The following ZNF804B variants were observed in gnomAD, a reference collection of about 807,000 sequenced individuals.
The protein encoded by ZNF804B is zinc finger protein 804B.
A neutral mutation model predicts 101.4 loss-of-function variants in ZNF804B; 80 were observed. The observed-to-expected ratio is 0.79, with a 90% CI of 0.66 to 0.95. ZNF804B has a LOEUF of 0.95. ZNF804B is among the 40% of genes least tolerant of loss of function. The pLI, the probability that ZNF804B is intolerant of heterozygous loss-of-function variation, is 0.00. For missense variants in ZNF804B, 1,673 were observed against 1,561.9 expected (o/e 1.07, Z -1.20); for synonymous variants, 622 against 558.8 (o/e 1.11, Z -1.59).
chr7:89,076,921 A>G (rs2116306704), intron 1 of ZNF804B, among the ~76,000 whole-genome samples: 1 of 152,278 alleles, frequency 6.6e-6, no homozygotes, highest in Non-Finnish European at 1.5e-5. Context: ...CAATGGGGAG[A>G]AGAACACAGG....
At chr7:89,107,586 G>A (rs1042692285) in intron 1 of ZNF804B, among the ~76,000 whole-genome samples, 4 of 152,246 alleles carry the variant, frequency 2.6e-5, no homozygotes, top group African/African-American at 9.6e-5. Flanking sequence ...GCGGATACAT[G>A]TGAACAGGAA....
At chr7:88,848,706 A>AATC (rs1409670960) in intron 1 of ZNF804B, among the ~76,000 whole-genome samples, 3 of 95,350 alleles carry the variant, frequency 3.1e-5, no homozygotes, top group Non-Finnish European at 5.2e-5. Flanking sequence ...GGGCATATAG[A>AATC]TTGGTAAAAA....
chr7:89,072,280 C>A (rs1789554713), intron 1 of ZNF804B, among the ~76,000 whole-genome samples: 1 of 152,134 alleles, frequency 6.6e-6, no homozygotes, highest in Admixed American at 6.6e-5. Context: ...ATTTCTTTCT[C>A]ATGGTTAGAA....
chr7:88,944,493 T>C (rs1243444455), intron 1 of ZNF804B, among the ~76,000 whole-genome samples: 5 of 151,780 alleles, frequency 3.3e-5, no homozygotes, highest in African/African-American at 1.2e-4. Context: ...ATGCAAGTTT[T>C]ATCATACACA....
At chr7:88,761,136 A>G (rs1789889614) in intron 1 of ZNF804B, among the ~76,000 whole-genome samples, 1 of 151,998 alleles carries the variant, frequency 6.6e-6, no homozygotes, top group Non-Finnish European at 1.5e-5. Context: ...CAAAACTGCA[A>G]CATATTATAA....
chr7:89,302,741 A>G (rs547945147), intron 2 of ZNF804B, among the ~76,000 whole-genome samples: 31 of 152,004 alleles, frequency 2.0e-4, no homozygotes, highest in African/African-American at 7.0e-4. Flanking sequence ...TTTGTTACTA[A>G]CACATAAACC....
At chr7:89,120,070 A>G (rs1583997900) in intron 1 of ZNF804B, among the ~76,000 whole-genome samples, 1 of 152,150 alleles carries the variant, frequency 6.6e-6, no homozygotes, top group East Asian at 1.9e-4. Context: ...AAAATCAGCC[A>G]TCATAAAATG....
intron 1 of ZNF804B, among the ~76,000 whole-genome samples, chr7:89,054,388 AAAAC>A (rs962101688): frequency 3.3e-5 from 5 of 150,736 alleles, no homozygotes; most frequent in African/African-American, 1.2e-4. Flanking sequence ...GGAGAGAAAA[AAAAC>A]AGACATCAGA....
intron 1 of ZNF804B, among the ~76,000 whole-genome samples, chr7:89,088,673 C>G (rs1285260072): frequency 6.9e-6 from 1 of 144,810 alleles, no homozygotes; most frequent in Non-Finnish European, 1.5e-5. Flanking sequence ...TGATGTTGCT[C>G]TTGTTTGGGA....
At chr7:89,084,469 T>A (rs1301447895) in intron 1 of ZNF804B, among the ~76,000 whole-genome samples, 1 of 151,920 alleles carries the variant, frequency 6.6e-6, no homozygotes, top group Non-Finnish European at 1.5e-5. Flanking sequence ...ATATCAGATT[T>A]TTCAGGTATT....
intron 1 of ZNF804B, among the ~76,000 whole-genome samples, chr7:88,877,213 C>T (rs2115898941): frequency 6.7e-6 from 1 of 149,432 alleles, no homozygotes; most frequent in African/African-American, 2.5e-5. Context: ...GTGTGTGCCA[C>T]TAGGGAAAAT....
chr7:89,046,607 G>T (rs569536016), intron 1 of ZNF804B, among the ~76,000 whole-genome samples: 2 of 152,064 alleles, frequency 1.3e-5, no homozygotes, highest in East Asian at 3.9e-4. Flanking sequence ...AAACATTCAG[G>T]CTTGTTAAAA....
chr7:89,314,353 T>C (rs548403988), intron 2 of ZNF804B, among the ~76,000 whole-genome samples: 2 of 152,142 alleles, frequency 1.3e-5, no homozygotes, highest in Non-Finnish European at 2.9e-5. Context: ...ACTTCCTTTT[T>C]TTCGACTTCT....
chr7:89,212,375 T>C (rs148743218), intron 1 of ZNF804B, among the ~76,000 whole-genome samples: 1 of 152,108 alleles, frequency 6.6e-6, no homozygotes, highest in Non-Finnish European at 1.5e-5. Context: ...TGCTGTGACT[T>C]CCTGTAACAA....
rs186081563 is a variant in ZNF804B, at chr7:89,228,282, G to A, written c.249+9987G>A. Among the ~76,000 whole-genome samples the A allele has an allele frequency of 2.6e-5, 4 of 152,194 alleles. No homozygotes were observed. The East Asian group carries it at 7.8e-4, about 30-fold the overall frequency. On this transcript the variant is annotated intron_variant, in intron 2 of 3. Coordinates refer to ENST00000333190, the MANE Select transcript of ZNF804B (RefSeq NM_181646.5). The stretch of plus-strand genomic sequence containing the variant: ...TTATTGCAAAGAGCGCAAGAACAAA[G>A]CTTCCACAGTGTGGAAGGGGACCCC...
chr7:88,947,625 A>G (rs1793156555), intron 1 of ZNF804B, among the ~76,000 whole-genome samples: 1 of 151,966 alleles, frequency 6.6e-6, no homozygotes, highest in Non-Finnish European at 1.5e-5. Context: ...CCTACCTAAC[A>G]AACCTGCATG....
intron 1 of ZNF804B, among the ~76,000 whole-genome samples, chr7:89,099,198 C>T (rs944748433): frequency 9.2e-5 from 14 of 151,822 alleles, no homozygotes; most frequent in African/African-American, 3.4e-4. Context: ...TTGAGGACAC[C>T]TCCAGAAGGT....
At chr7:89,321,597 A>G (rs989089043) in intron 2 of ZNF804B, among the ~76,000 whole-genome samples, 1 of 152,090 alleles carries the variant, frequency 6.6e-6, no homozygotes, top group Non-Finnish European at 1.5e-5. Flanking sequence ...GAATTCTACA[A>G]ATGTTAGATC....
intron 1 of ZNF804B, among the ~76,000 whole-genome samples, chr7:89,120,949 T>C (rs1344732210): frequency 6.6e-6 from 1 of 152,198 alleles, no homozygotes; most frequent in Admixed American, 6.5e-5. Context: ...AACAAAAATA[T>C]AGCCACTATT....
Sources: gnomAD v4.1 joint callset for allele counts (sites outside exome capture counted in the v4.1 genomes callset) on GRCh38, gnomAD v4.1.1 for gene constraint, MANE v1.5 for transcripts, NCBI Gene and HGNC (gene_info 2026-07-23, HGNC 2026-07-21) for gene names.